The following WRAP73 variants were observed in gnomAD, a reference collection of about 807,000 sequenced individuals.
WRAP73 encodes WD repeat-containing protein WRAP73.
In WRAP73, 55 loss-of-function variants were observed where a neutral mutation model predicts 59.6. That is an observed-to-expected ratio of 0.92 (90% CI 0.74 to 1.15). The LOEUF (loss-of-function observed/expected upper bound fraction) is 1.15, where lower values mean the gene tolerates loss of function less well. Ranked by LOEUF, WRAP73 falls within the 50% of genes most tolerant of loss-of-function variation. The pLI is 0.00. For missense variants in WRAP73, 592 were observed against 608.1 expected (o/e 0.97, Z 0.28); for synonymous variants, 265 against 258.2 (o/e 1.03, Z -0.25).
At chr1:3,634,747 C>A in intron 8 of WRAP73, 1 of 527,466 alleles carries the variant, frequency 1.9e-6, no homozygotes, top group Non-Finnish European at 3.4e-6. Flanking sequence ...AAGGAGAAAA[C>A]TGGACTGGGG....
chr1:3,635,319 TAATG>T (rs1434449385), intron 6 of WRAP73, 25 bp from the exon 7 acceptor site: 1 of 1,613,148 alleles, frequency 6.2e-7, no homozygotes, highest in Admixed American at 1.7e-5. Flanking sequence ...TTTCAGTTAA[TAATG>T]AATACACCCC....
rs766342695 is a variant in WRAP73, at chr1:3,649,934, G to A, written c.66C>T (p.Tyr22=). The change falls in exon 1 of 12, where the codon TAC becomes TAT. Residue 22 remains tyrosine (Y), a synonymous_variant. Transcript: ENST00000270708. ...LLCKFSPDGK[Y]LASCVQYRLV... ...GGCCCAGGTCCCCGCCGCTCACCAGGTACTTGCCGTCCGGGGAGAACTTGC... is the reference window on the plus strand; with the variant it reads ...GGCCCAGGTCCCCGCCGCTCACCAGATACTTGCCGTCCGGGGAGAACTTGC... 3 of 1,602,302 alleles carry A rather than the reference G, an allele frequency of 1.9e-6. No individual in the cohort carries two copies. The highest frequency in any genetic ancestry group is 2.6e-6 in the Non-Finnish European group (3 of 1,175,792).
In WRAP73 at chr1:3,631,132, G is replaced by A. The variant is rs367583438; in HGVS notation, c.1241-15C>T. On this transcript the variant is annotated splice_polypyrimidine_tract_variant and intron_variant, in intron 11 of 11. Transcript: ENST00000270708. The stretch of plus-strand genomic sequence containing the variant: ...TGCAAAGTCGCCTAGAGAGAGACAG[G>A]TGGCCAGAGGATTACAGCAGGGGAG... 3 of 1,612,938 alleles carry A rather than the reference G, an allele frequency of 1.9e-6. No individual in the cohort carries two copies. In the African/African-American group the frequency reaches 4.0e-5, roughly 22 times the overall value.
intron 3 of WRAP73, among the ~76,000 whole-genome samples, chr1:3,645,935 C>G (rs1484015896): frequency 6.6e-6 from 1 of 152,212 alleles, no homozygotes; most frequent in African/African-American, 2.4e-5. Context: ...TATCACAGCG[C>G]ATTTTCTATC....
At chr1:3,633,253 A>G (rs1644556128) in intron 9 of WRAP73, 145 bp downstream of exon 9, 1 of 769,580 alleles carries the variant, frequency 1.3e-6, no homozygotes, top group Non-Finnish European at 2.2e-6. Flanking sequence ...CCTCCAGCCA[A>G]CAGGCTGAGG....
At chr1:3,633,761 C>T (rs528094357) in intron 8 of WRAP73, 624 of 437,972 alleles carry the variant, frequency 1.4e-3, no homozygotes, top group Non-Finnish European at 2.2e-3. Context: ...TGATTACAGA[C>T]GGGAGACCAC....
Position 3,632,313 on chromosome 1 carries a change from G to C in WRAP73, c.948C>G (p.Ser316=), listed in dbSNP as rs1233091106. The C allele has an allele frequency of 6.2e-7, 1 of 1,614,180 alleles. No individual in the cohort carries two copies. The highest frequency in any genetic ancestry group is 2.2e-5 in the East Asian group (1 of 44,888). Residue 316 remains serine, a synonymous_variant, in exon 10 of 12, where the codon TCC becomes TCG. Coordinates refer to ENST00000270708, the MANE Select transcript of WRAP73 (RefSeq NM_017818.4). ...CGGTAACAGGTTTCAGTGTCTGTAA[G>C]GAGACTGGGACAGAGGCGATCTCAT... The part of the protein sequence containing the change: ...SKYEIASVPV[S]LQTLKPVTDR...
chr1:3,635,405 G>A, intron 6 of WRAP73, 111 bp from the exon 7 acceptor site: 1 of 1,450,956 alleles, frequency 6.9e-7, no homozygotes, highest in South Asian at 1.3e-5. Flanking sequence ...AAGCTGGCAG[G>A]ACTGTCCGCG....
Position 3,632,522 on chromosome 1 carries a change from C to T in WRAP73, c.923-184G>A, listed in dbSNP as rs190855980. ...TGGCAGCCGCAGCGAGGGGCCTGCC[C>T]GCAAGTGCCCCGGATGAGAGTGGCA... On this transcript the variant is annotated intron_variant, in intron 9 of 11. Transcript: ENST00000270708. 8 of 892,256 alleles carry T rather than the reference C, an allele frequency of 9.0e-6. No homozygotes were observed. In the East Asian group the frequency reaches 1.9e-4, roughly 22 times the overall value. The allele number at this position is 892,256 out of a possible 1,614,324, so 55.3% of individuals were successfully genotyped here.
chr1:3,643,169 G>A (rs1644662778), intron 3 of WRAP73, among the ~76,000 whole-genome samples: 1 of 152,242 alleles, frequency 6.6e-6, no homozygotes, highest in African/African-American at 2.4e-5. Context: ...TGTCAACACG[G>A]AGGAGTCTAA....
Position 3,631,609 on chromosome 1 carries a change from A to G in WRAP73, c.1097T>C (p.Leu366Pro), listed in dbSNP as rs1644534495. ...GGACAGCTGCTCGAGCACCGCGAAC[A>G]GCCTCAGCTTCTGAATGTCCCAGAC... ...VWVWDIQKLRLFAVLEQLSPV... is the reference protein window; with the variant it reads ...VWVWDIQKLRPFAVLEQLSPV... The change falls in exon 11 of 12, where the codon CTG becomes CCG. Residue 366 changes from leucine (L) to proline (P), a missense_variant. Coordinates refer to ENST00000270708, the MANE Select transcript of WRAP73 (RefSeq NM_017818.4). 6.2e-7 allele frequency: 1 copy of G among 1,604,822 alleles called. No individual in the cohort carries two copies. The highest frequency in any genetic ancestry group is 8.5e-7 in the Non-Finnish European group (1 of 1,179,606).
chr1:3,633,412 C>T lies in WRAP73; in HGVS notation c.908G>A (p.Ser303Asn), dbSNP rs895598083. The T allele has an allele frequency of 6.2e-7, 1 of 1,612,834 alleles. No homozygotes were observed. The highest frequency in any genetic ancestry group is 1.1e-5 in the South Asian group (1 of 91,084). The change falls in exon 9 of 12, where the codon AGC (serine) becomes AAC (asparagine). Residue 303 changes from serine (S) to asparagine (N), a missense_variant. Coordinates refer to ENST00000270708, the MANE Select transcript of WRAP73 (RefSeq NM_017818.4). ...GTGCTACTTACATTTACTCTCTGAG[C>T]TCGGGAGAGGGCCGGCCCCGGCCCG... ...PPRAGAGPLP[S>N]SESKYEIASV...
chr1:3,642,954 T>C (rs754297438), intron 3 of WRAP73, among the ~76,000 whole-genome samples: 23 of 151,496 alleles, frequency 1.5e-4, no homozygotes, highest in Admixed American at 3.3e-4. Flanking sequence ...GATGGAATCA[T>C]TGTAATCCTG....
In WRAP73 at chr1:3,636,076, G is replaced by A. The variant is rs77210968; in HGVS notation, c.517-46C>T. ...AACATTAAATTTGGAAAATATTTTC[G>A]TAAATAAATAATTGCATTTATGACT... On this transcript the variant is annotated intron_variant, in intron 5 of 11. Transcript: ENST00000270708. 6,877 of 1,427,388 alleles carry A rather than the reference G, an allele frequency of 4.8e-3. 33 individuals are homozygous for A. The highest frequency in any genetic ancestry group is 5.7e-3 in the Non-Finnish European group (5,797 of 1,015,038). 88.4% of individuals were successfully genotyped at this position (1,427,388 alleles called of 1,614,324 possible). A position where few individuals can be genotyped will look rare whatever the true frequency, so the allele number is the denominator to read the frequency against.
intron 5 of WRAP73, chr1:3,636,730 C>T (rs1644592407): frequency 2.0e-6 from 1 of 502,956 alleles, no homozygotes; most frequent in African/African-American, 1.9e-5. Context: ...TGCGCAAACA[C>T]CATCACACAG....
At chr1:3,643,179 A>C (rs189520344) in intron 3 of WRAP73, among the ~76,000 whole-genome samples, 117 of 152,340 alleles carry the variant, frequency 7.7e-4, no homozygotes, top group Middle Eastern at 3.4e-3. Flanking sequence ...GAGGAGTCTA[A>C]AAGCAGTGAC....
chr1:3,635,678 G>A (rs528373920), intron 6 of WRAP73: 41 of 492,790 alleles, frequency 8.3e-5, no homozygotes, highest in African/African-American at 5.2e-4. Flanking sequence ...AAAATTAGCC[G>A]GGCGTGGTGG....
At chr1:3,640,526 GA>G (rs1557460566) in intron 3 of WRAP73, among the ~76,000 whole-genome samples, 5 of 125,134 alleles carry the variant, frequency 4.0e-5, no homozygotes, top group African/African-American at 1.8e-4. Flanking sequence ...TGCAGCGCCC[GA>G]GGCTCTGAGC....
At chr1:3,634,706 A>G in intron 8 of WRAP73, 1 of 446,972 alleles carries the variant, frequency 2.2e-6, no homozygotes, top group Non-Finnish European at 4.2e-6. Flanking sequence ...CACTCTGTAC[A>G]GCACAGGGAT....
Sources: allele counts gnomAD v4.1 joint callset (sites outside exome capture counted in the v4.1 genomes callset), GRCh38; gene constraint gnomAD v4.1.1; transcripts MANE v1.5; gene names NCBI Gene and HGNC (gene_info 2026-07-23, HGNC 2026-07-21).